MRPL21: variants seen among roughly 807,000 people sequenced by gnomAD.
The protein encoded by MRPL21 is mitochondrial ribosomal protein L21.
Under a neutral mutation model 27.3 loss-of-function variants are expected in MRPL21, and 20 were observed. The ratio of observed to expected loss-of-function variants is 0.73; its 90% CI spans 0.52 to 1.06. MRPL21 has a LOEUF of 1.06. Among genes scored for constraint, MRPL21 ranks in the 50% least tolerant of loss-of-function variants. MRPL21 has a pLI of 0.00. For synonymous variants in MRPL21, 98 were observed against 101.5 expected, an observed-to-expected ratio of 0.97 and a Z score of 0.21; for missense variants, 249 against 251.4, an observed-to-expected ratio of 0.99 and a Z score of 0.06.
chr11:68,892,541 G>T, intron 6 of MRPL21: 1 of 304,866 alleles, frequency 3.3e-6, no homozygotes, highest in East Asian at 6.0e-5. Context: ...GGGTGGAGGA[G>T]AAGGGGAGCG....
At chr11:68,893,485 G>C in intron 4 of MRPL21, 30 bp from the exon 5 acceptor site, 1 of 1,614,164 alleles carries the variant, frequency 6.2e-7, no homozygotes, top group Non-Finnish European at 8.5e-7. Flanking sequence ...TGTTTCATCA[G>C]TGGCTCATTA....
In MRPL21 at chr11:68,893,414, C is replaced by A; in HGVS notation, c.438G>T (p.Lys146Asn). 2 of 1,614,196 alleles carry A rather than the reference C, an allele frequency of 1.2e-6. No individual in the cohort carries two copies. Among genetic ancestry groups the A allele is most frequent in the Non-Finnish European group, 1.7e-6 (2 of 1,180,038 alleles). ...TTCACAGCCATTACCCGAGGAGTGGCTTGCCAAGCAGCGTGAAGTTGTCTG... is the reference window on the plus strand; with the variant it reads ...TTCACAGCCATTACCCGAGGAGTGGATTGCCAAGCAGCGTGAAGTTGTCTG... ...VGADNFTLLG[K>N]PLLGKDLVRV... is the part of the protein sequence containing the mutation. Residue 146 changes from lysine to asparagine, a missense_variant, in exon 5 of 7, where the codon AAG becomes AAT. Coordinates refer to ENST00000362034, the MANE Select transcript of MRPL21 (RefSeq NM_181514.2).
intron 2 of MRPL21, among the ~76,000 whole-genome samples, chr11:68,899,639 G>A (rs926706316): frequency 6.6e-6 from 1 of 152,206 alleles, no homozygotes; most frequent in African/African-American, 2.4e-5. Flanking sequence ...AGAAGAACAC[G>A]CTGGCAGGAA....
intron 1 of MRPL21, among the ~76,000 whole-genome samples, chr11:68,903,093 T>C (rs1246083682): frequency 6.6e-6 from 1 of 152,210 alleles, no homozygotes; most frequent in Admixed American, 6.5e-5. Context: ...ACTATTCTTT[T>C]AATATCGTCC....
At chr11:68,903,580 C>A in intron 1 of MRPL21, 143 bp downstream of exon 1, 1 of 820,972 alleles carries the variant, frequency 1.2e-6, no homozygotes. Flanking sequence ...CTGGGTTCCC[C>A]CGACTCCAAA....
At chr11:68,898,785 C>T (rs527883308) in intron 2 of MRPL21, among the ~76,000 whole-genome samples, 5 of 152,142 alleles carry the variant, frequency 3.3e-5, no homozygotes, top group South Asian at 4.2e-4. Flanking sequence ...AAGCTTGGTG[C>T]GGGCAATGCC....
At chr11:68,903,016 A>G (rs1463885045) in intron 1 of MRPL21, among the ~76,000 whole-genome samples, 1 of 152,192 alleles carries the variant, frequency 6.6e-6, no homozygotes, top group African/African-American at 2.4e-5. Flanking sequence ...TGGATGTCCT[A>G]CAGTTTATGT....
intron 1 of MRPL21, among the ~76,000 whole-genome samples, chr11:68,902,800 T>C (rs1376405902): frequency 3.3e-5 from 5 of 152,152 alleles, no homozygotes; most frequent in Non-Finnish European, 1.5e-5. Context: ...CTCCACCTAT[T>C]TATCCTTTTC....
At chr11:68,891,976 C>A (rs1857656368) in intron 6 of MRPL21, 2 of 842,378 alleles carry the variant, frequency 2.4e-6, no homozygotes, top group Non-Finnish European at 3.3e-6. Flanking sequence ...GACAGCCCTA[C>A]ACCTGCTTGC....
At chr11:68,901,211 C>A (rs1857926902) in intron 1 of MRPL21, among the ~76,000 whole-genome samples, 1 of 152,208 alleles carries the variant, frequency 6.6e-6, no homozygotes, top group South Asian at 2.1e-4. Flanking sequence ...CAGCCGCTGG[C>A]GCAGTGGAGT....
In MRPL21 at chr11:68,903,041, T is replaced by C. The variant is rs925858929; in HGVS notation, c.88+682A>G. Among the ~76,000 whole-genome samples, 5 of 152,356 alleles carry C rather than the reference T, an allele frequency of 3.3e-5. No individual in the cohort carries two copies. In the South Asian group the frequency reaches 1.0e-3, roughly 32 times the overall value. On this transcript the variant is annotated intron_variant, in intron 1 of 6. Transcript: ENST00000362034. The stretch of plus-strand genomic sequence containing the variant: ...ACAGTTTATGTAACCATTCATCTCC[T>C]GAAGGACATCTGGGTTGCTTCCAAG...
chr11:68,897,165 C>A (rs549319765), intron 3 of MRPL21, among the ~76,000 whole-genome samples: 1 of 152,144 alleles, frequency 6.6e-6, no homozygotes, highest in African/African-American at 2.4e-5. Context: ...GGGCAGGACG[C>A]GTTCCCCCTG....
At chr11:68,894,741 A>C (rs944866452) in intron 4 of MRPL21, among the ~76,000 whole-genome samples, 1 of 152,250 alleles carries the variant, frequency 6.6e-6, no homozygotes, top group African/African-American at 2.4e-5. Context: ...AAGTATTTTT[A>C]GAGTTTGTTT....
chr11:68,899,030 C>T (rs770955514), intron 2 of MRPL21, among the ~76,000 whole-genome samples: 95 of 152,252 alleles, frequency 6.2e-4, no homozygotes, highest in Middle Eastern at 6.8e-3. Flanking sequence ...TCAAGTGATC[C>T]GCCCACCTCG....
chr11:68,899,781 A>G (rs1303158001), intron 2 of MRPL21, among the ~76,000 whole-genome samples: 1 of 152,130 alleles, frequency 6.6e-6, no homozygotes, highest in Non-Finnish European at 1.5e-5. Flanking sequence ...ACATCTCCCC[A>G]CTGCAGAGGA....
intron 4 of MRPL21, among the ~76,000 whole-genome samples, chr11:68,895,188 C>T (rs149071201): frequency 0.035 from 5,331 of 152,074 alleles, 315 homozygotes; most frequent in African/African-American, 0.12. Flanking sequence ...CACTTGAACC[C>T]GGAAGGCAGA....
chr11:68,891,936 TG>T, intron 6 of MRPL21: 5 of 588,504 alleles, frequency 8.5e-6, no homozygotes, highest in Non-Finnish European at 1.1e-5. Flanking sequence ...ATGCCCACTA[TG>T]GGGGATGTCC....
chr11:68,903,763 C>CG lies in MRPL21; in HGVS notation c.47dup (p.Cys17ValfsTer37). ...AAGGTCTCAGGATGCTGTGGCTGCACGCGGACGCCAGCCGCCCTAAGGTGA... is the reference window on the plus strand; with the variant it reads ...AAGGTCTCAGGATGCTGTGGCTGCACGGCGGACGCCAGCCGCCCTAAGGTGA... On this transcript the variant is annotated frameshift_variant, in exon 1 of 7. Coordinates refer to ENST00000362034, the MANE Select transcript of MRPL21 (RefSeq NM_181514.2). LOFTEE classifies it high-confidence loss of function. 6.2e-7 allele frequency: 1 copy of CG among 1,613,148 alleles called. No homozygotes were observed. Among genetic ancestry groups the CG allele is most frequent in the Non-Finnish European group, 8.5e-7 (1 of 1,180,032 alleles).
chr11:68,900,512 G>T (rs576394802), intron 2 of MRPL21, 36 bp downstream of exon 2: 3 of 1,586,686 alleles, frequency 1.9e-6, no homozygotes, highest in Middle Eastern at 1.7e-4. Context: ...ACAAATGAAA[G>T]GAAAAGAGGC....
Sources: allele counts gnomAD v4.1 joint callset (sites outside exome capture counted in the v4.1 genomes callset), GRCh38; gene constraint gnomAD v4.1.1; transcripts MANE v1.5; gene names NCBI Gene and HGNC (gene_info 2026-07-23, HGNC 2026-07-21).